The following ANGPTL5 variants were observed in gnomAD, a reference collection of about 807,000 sequenced individuals.
ANGPTL5 encodes the protein angiopoietin like 5, also known as angiopoietin-related protein 5.
In ANGPTL5, 34 loss-of-function variants were observed where a neutral mutation model predicts 39.4. That is an observed-to-expected ratio of 0.86 (90% CI 0.66 to 1.15). The LOEUF is 1.15. Among genes scored for constraint, ANGPTL5 ranks in the 50% most tolerant of loss-of-function variants. The pLI, the probability that ANGPTL5 is intolerant of heterozygous loss-of-function variation, is 0.00. For missense variants in ANGPTL5, 467 were observed against 457.5 expected, an observed-to-expected ratio of 1.02 and a Z score of -0.19; for synonymous variants, 146 against 152.1, an observed-to-expected ratio of 0.96 and a Z score of 0.29.
intron 7 of ANGPTL5, among the ~76,000 whole-genome samples, chr11:101,896,984 C>T (rs946558366): frequency 2.6e-5 from 4 of 152,120 alleles, no homozygotes; most frequent in Admixed American, 1.3e-4. Context: ...AGTGTAAAAG[C>T]GTTCCTATTT....
chr11:101,904,652 T>C (rs770965441), intron 5 of ANGPTL5, among the ~76,000 whole-genome samples, 162 bp downstream of exon 5: 3 of 152,214 alleles, frequency 2.0e-5, no homozygotes, highest in Non-Finnish European at 4.4e-5. Context: ...GTACACGTTG[T>C]CTATGGTGAA....
Position 101,891,470 on chromosome 11 carries a change from G to A in ANGPTL5, c.976C>T (p.His326Tyr). 1 of 1,614,068 alleles carries A rather than the reference G, an allele frequency of 6.2e-7. No homozygotes were observed. Among genetic ancestry groups the A allele is most frequent in the South Asian group, 1.1e-5 (1 of 91,072 alleles). Residue 326 changes from histidine to tyrosine, a missense_variant, in exon 9 of 9, where the codon CAC becomes TAC. His to Tyr is a moderately conservative substitution (Grantham distance 83). Coordinates refer to ENST00000334289, the MANE Select transcript of ANGPTL5 (RefSeq NM_178127.5). ...CACCAGCCGGTCTTGTTATGGAGGT[G>A]ACTGCAGCTCTTCACAGACTGACCA... ...VNGQSVKSCSHLHNKTGWWFN... is the reference protein window; with the variant it reads ...VNGQSVKSCSYLHNKTGWWFN...
At chr11:101,903,439 C>T (rs1007890249) in intron 5 of ANGPTL5, among the ~76,000 whole-genome samples, 10 of 152,102 alleles carry the variant, frequency 6.6e-5, no homozygotes, top group African/African-American at 2.4e-4. Context: ...ACCCTTAGAG[C>T]GTCCATTATC....
At chr11:101,907,559 G>C (rs1191967660) in intron 2 of ANGPTL5, among the ~76,000 whole-genome samples, 1 of 151,988 alleles carries the variant, frequency 6.6e-6, no homozygotes, top group Non-Finnish European at 1.5e-5. Flanking sequence ...TCATTGAAAA[G>C]TTGTGGGCTA....
chr11:101,912,116 G>C (rs1207548486), intron 1 of ANGPTL5, among the ~76,000 whole-genome samples: 1 of 152,158 alleles, frequency 6.6e-6, no homozygotes, highest in Non-Finnish European at 1.5e-5. Flanking sequence ...TAAGCTTCAC[G>C]AACATAAGGA....
chr11:101,906,445 A>G (rs1939998777), intron 3 of ANGPTL5, among the ~76,000 whole-genome samples: 1 of 152,168 alleles, frequency 6.6e-6, no homozygotes, highest in African/African-American at 2.4e-5. Flanking sequence ...CGAAGTTGCG[A>G]TAACAGTACA....
chr11:101,899,288 C>T (rs1939852782), intron 7 of ANGPTL5, among the ~76,000 whole-genome samples: 1 of 152,130 alleles, frequency 6.6e-6, no homozygotes, highest in Non-Finnish European at 1.5e-5. Context: ...TTTATAGAGA[C>T]ATGGTTTCAA....
At chr11:101,908,094 C>T (rs1940029259) in intron 1 of ANGPTL5, 93 bp from the exon 2 acceptor site, 3 of 518,500 alleles carry the variant, frequency 5.8e-6, no homozygotes, top group Non-Finnish European at 1.0e-5. Context: ...ACAAAGTAGC[C>T]TCTGGAGATC....
At chr11:101,911,888 C>T (rs2137067735) in intron 1 of ANGPTL5, among the ~76,000 whole-genome samples, 1 of 152,340 alleles carries the variant, frequency 6.6e-6, no homozygotes. Context: ...CTTCTGTACT[C>T]ACAGACCCCT....
Position 101,909,311 on chromosome 11 carries a change from G to A in ANGPTL5, c.-92-1310C>T, listed in dbSNP as rs138491215. 6.6e-3 allele frequency among the ~76,000 whole-genome samples: 1,006 copies of A among 152,200 alleles called. 9 individuals carry two copies. The highest frequency in any genetic ancestry group is 0.03 in the Admixed American group (459 of 15,288). On this transcript the variant is annotated intron_variant, in intron 1 of 8. Coordinates refer to ENST00000334289, the MANE Select transcript of ANGPTL5 (RefSeq NM_178127.5). The stretch of plus-strand genomic sequence containing the variant: ...ACAGTATGAGATGGTTGGGAGTGCC[G>A]GCTCCAAGACCAGATTGCCTGATTT...
intron 4 of ANGPTL5, among the ~76,000 whole-genome samples, chr11:101,905,409 C>T (rs1591257573): frequency 1.3e-5 from 2 of 152,016 alleles, no homozygotes; most frequent in African/African-American, 4.8e-5. Flanking sequence ...CCTTACCCAA[C>T]CTTTATGATT....
In ANGPTL5 at chr11:101,902,627, T is replaced by C. The variant is rs375143539; in HGVS notation, c.534A>G (p.Pro178=). 10 of 1,598,440 alleles carry C rather than the reference T, an allele frequency of 6.3e-6. No individual in the cohort carries two copies. Among genetic ancestry groups the C allele is most frequent in the Non-Finnish European group, 8.6e-6 (10 of 1,166,734 alleles). ...YIIHPEGSSY[P]FEVMCDMDYR... ...CTTCAAATACGGGAAATACCTCAAA[T>C]GGGTAGCTAGATCCTTCTGGGTGAA... The change falls in exon 6 of 9, where the codon CCA becomes CCG. Residue 178 remains proline (P), a synonymous_variant. Transcript: ENST00000334289.
rs891390573 is a variant in ANGPTL5 at position 101,916,169 on chromosome 11, TG to T, written c.-244del. ...TCCCAAAGGACTTGGTTGGCAATGA[TG>T]GTGTTGTGTAATCATCTTCAGTCTT... On this transcript the variant is annotated 5_prime_UTR_variant, in exon 1 of 9. An upstream open reading frame in the 5' UTR gains an earlier in-frame stop. Transcript: ENST00000334289. The T allele has an allele frequency of 6.6e-6, 1 of 152,270 alleles. No homozygotes were observed. Among genetic ancestry groups the T allele is most frequent in the Non-Finnish European group, 1.5e-5 (1 of 68,056 alleles). The allele number at this position is 152,270 out of a possible 1,614,324, so 9.4% of individuals were successfully genotyped here. A position where few individuals can be genotyped will look rare whatever the true frequency, so the allele number is the denominator to read the frequency against.
chr11:101,900,648 C>T (rs1030960605), intron 6 of ANGPTL5, 98 bp from the exon 7 acceptor site: 40 of 1,318,122 alleles, frequency 3.0e-5, no homozygotes, highest in Non-Finnish European at 3.8e-5. Context: ...GAAAAAGAGA[C>T]GGTACTGCCA....
chr11:101,891,884 T>C (rs1939704261), intron 8 of ANGPTL5, among the ~76,000 whole-genome samples: 1 of 152,176 alleles, frequency 6.6e-6, no homozygotes, highest in Non-Finnish European at 1.5e-5. Flanking sequence ...GGCCAAAAAT[T>C]ATAGCATACA....
At chr11:101,907,516 A>G (rs1435381477) in intron 2 of ANGPTL5, among the ~76,000 whole-genome samples, 40 of 152,066 alleles carry the variant, frequency 2.6e-4, no homozygotes, top group Non-Finnish European at 3.4e-4. Context: ...TTTTTTTTTA[A>G]GCAAAGTGAT....
At chr11:101,892,469 G>A (rs1199722641) in intron 8 of ANGPTL5, among the ~76,000 whole-genome samples, 1 of 152,096 alleles carries the variant, frequency 6.6e-6, no homozygotes, top group African/African-American at 2.4e-5. Flanking sequence ...GACCTCAAGT[G>A]ATCCACCCAC....
rs1407041983 is a variant in ANGPTL5, at chr11:101,907,121, C to T, written c.223G>A (p.Glu75Lys). The T allele has an allele frequency of 6.3e-7, 1 of 1,580,450 alleles. No homozygotes were observed. Residue 75 changes from glutamate to lysine, a missense_variant, in exon 3 of 9, where the codon GAA becomes AAA. By Grantham distance (56) the Glu-to-Lys change is moderately conservative. Transcript: ENST00000334289. Reference protein sequence around the residue: ...CDVKTKITREEKHFMCRNLQN... With the variant: ...CDVKTKITREKKHFMCRNLQN... ...TACTTACTACACATGAAATGTTTTT[C>T]TTCTCGTGTAATTTTAGTTTTAACA...
intron 3 of ANGPTL5, among the ~76,000 whole-genome samples, 189 bp from the exon 4 acceptor site, chr11:101,906,036 A>G (rs574986358): frequency 9.9e-5 from 15 of 152,270 alleles, no homozygotes; most frequent in African/African-American, 3.6e-4. Flanking sequence ...AACCCCAGAA[A>G]TGATTGTCTC....
Sources: allele counts gnomAD v4.1 joint callset (sites outside exome capture counted in the v4.1 genomes callset), GRCh38; gene constraint gnomAD v4.1.1; transcripts MANE v1.5; gene names NCBI Gene and HGNC (gene_info 2026-07-23, HGNC 2026-07-21).